Variants in MAP3K3 observed in about 807,000 individuals in gnomAD.
The protein encoded by MAP3K3 is MAP/ERK kinase kinase 3.
In MAP3K3, 12 loss-of-function variants were observed where a neutral mutation model predicts 80.9. The ratio of observed to expected loss-of-function variants is 0.15; its 90% CI spans 0.10 to 0.24. MAP3K3 has a LOEUF of 0.24. Among genes scored for constraint, MAP3K3 ranks in the 10% least tolerant of loss-of-function variants. The pLI, the probability that MAP3K3 is intolerant of heterozygous loss-of-function variation, is 1.00. For missense variants in MAP3K3, 596 were observed against 834.7 expected, an observed-to-expected ratio of 0.71 and a Z score of 3.52; for synonymous variants, 272 against 307.1, an observed-to-expected ratio of 0.89 and a Z score of 1.19.
intron 5 of MAP3K3, among the ~76,000 whole-genome samples, chr17:63,665,992 C>G (rs2034991870): frequency 6.6e-6 from 1 of 152,090 alleles, no homozygotes; most frequent in Non-Finnish European, 1.5e-5. Flanking sequence ...AAATCCTGAG[C>G]TCTCACCCCG....
chr17:63,664,221 T>C (rs1473654408), intron 5 of MAP3K3, among the ~76,000 whole-genome samples: 3 of 119,198 alleles, frequency 2.5e-5, no homozygotes, highest in Non-Finnish European at 4.8e-5. Flanking sequence ...CACTCCAGCC[T>C]GGGCGACAGA....
chr17:63,650,656 T>TAGAGAGAGAG (rs1491589542), intron 3 of MAP3K3, among the ~76,000 whole-genome samples: 10 of 122,048 alleles, frequency 8.2e-5, no homozygotes, highest in African/African-American at 3.9e-4. Context: ...CTCTGTCTCT[T>TAGAGAGAGAG]ATAGAGAGAG....
At chr17:63,651,914 G>A (rs1174958475) in intron 3 of MAP3K3, among the ~76,000 whole-genome samples, 1 of 152,168 alleles carries the variant, frequency 6.6e-6, no homozygotes, top group Non-Finnish European at 1.5e-5. Flanking sequence ...AAAGATGAAC[G>A]ATGGAAAAGA....
chr17:63,682,035 GC>G, intron 7 of MAP3K3, 136 bp downstream of exon 7: 1 of 712,842 alleles, frequency 1.4e-6, no homozygotes, highest in Non-Finnish European at 2.0e-6. Flanking sequence ...AACCAGGCCT[GC>G]CCAAATATGG....
In MAP3K3 at chr17:63,691,930, G is replaced by A; in HGVS notation, c.1474+68G>A. 6.5e-7 allele frequency: 1 copy of A among 1,538,898 alleles called. No homozygotes were observed. The highest frequency in any genetic ancestry group is 8.9e-7 in the Non-Finnish European group (1 of 1,120,306). ...CAAGTCTACCATTGAGTGCCTGCAG[G>A]GGCCAATCACTTAACCATTCTGAAC... On this transcript the variant is annotated intron_variant, in intron 14 of 15. Coordinates refer to ENST00000361733, the MANE Select transcript of MAP3K3 (RefSeq NM_002401.5). The surrounding 1 kb of genome is among the most constrained non-coding windows in gnomAD (Gnocchi z 4.8).
intron 6 of MAP3K3, among the ~76,000 whole-genome samples, chr17:63,676,413 A>G (rs1176817638): frequency 6.6e-6 from 1 of 152,214 alleles, no homozygotes; most frequent in Non-Finnish European, 1.5e-5. Flanking sequence ...CAGACACTCC[A>G]TGTAACAGAT....
intron 6 of MAP3K3, among the ~76,000 whole-genome samples, chr17:63,671,230 C>G (rs994756524): frequency 2.0e-5 from 3 of 151,470 alleles, no homozygotes; most frequent in African/African-American, 7.3e-5. Flanking sequence ...TCCCTTGGAT[C>G]CTTTGACCCT....
intron 1 of MAP3K3, among the ~76,000 whole-genome samples, chr17:63,628,683 A>G (rs2034156175): frequency 6.6e-6 from 1 of 151,654 alleles, no homozygotes; most frequent in Non-Finnish European, 1.5e-5. Context: ...TTTTCATACA[A>G]CTTTGTATTT....
chr17:63,684,771 A>G (rs2035412806), intron 7 of MAP3K3, among the ~76,000 whole-genome samples: 1 of 152,182 alleles, frequency 6.6e-6, no homozygotes, highest in Non-Finnish European at 1.5e-5. Context: ...GATTACAGGC[A>G]TGAGCCACCA....
intron 5 of MAP3K3, among the ~76,000 whole-genome samples, chr17:63,660,594 CT>C (rs1212281196): frequency 6.4e-4 from 87 of 136,030 alleles, no homozygotes; most frequent in African/African-American, 7.4e-4. Context: ...TTCTTCTTTT[CT>C]TTTTTTTTTT....
intron 5 of MAP3K3, 125 bp from the exon 6 acceptor site, chr17:63,666,815 A>G: frequency 1.0e-6 from 1 of 964,916 alleles, no homozygotes; most frequent in Non-Finnish European, 1.6e-6. Flanking sequence ...AAAGCTGGGT[A>G]GCTCATGTAT....
chr17:63,691,913 C>A lies in MAP3K3; in HGVS notation c.1474+51C>A. On this transcript the variant is annotated intron_variant, in intron 14 of 15. Coordinates refer to ENST00000361733, the MANE Select transcript of MAP3K3 (RefSeq NM_002401.5). The surrounding 1 kb of genome is among the most constrained non-coding windows in gnomAD (Gnocchi z 4.8). ...TCCCCAGGACCTGGGTTCAAGTCTA[C>A]CATTGAGTGCCTGCAGGGGCCAATC... 1 of 1,581,152 alleles carries A rather than the reference C, an allele frequency of 6.3e-7. No homozygotes were observed. The highest frequency in any genetic ancestry group is 8.7e-7 in the Non-Finnish European group (1 of 1,153,760).
Position 63,693,933 on chromosome 17 carries a change from C to G in MAP3K3, c.*156C>G. The G allele has an allele frequency of 9.8e-6, 6 of 610,010 alleles. No individual in the cohort carries two copies. The South Asian group carries it at 1.4e-4, about 14-fold the overall frequency. The allele number at this position is 610,010 out of a possible 1,614,324, so 37.8% of individuals were successfully genotyped here. A position where few individuals can be genotyped will look rare whatever the true frequency, so the allele number is the denominator to read the frequency against. On this transcript the variant is annotated 3_prime_UTR_variant, in exon 16 of 16. Transcript: ENST00000361733. The surrounding 1 kb of genome is among the most constrained non-coding windows in gnomAD (Gnocchi z 4.2). ...CTGTGCCCCTTCCGCCACTGGGGCT[C>G]AGAGCCGGGGTGGGGTGGCTGCAGC...
intron 6 of MAP3K3, among the ~76,000 whole-genome samples, chr17:63,679,052 T>C (rs922880955): frequency 1.3e-5 from 2 of 152,070 alleles, no homozygotes; most frequent in African/African-American, 4.8e-5. Context: ...AGTGTCAGTT[T>C]CTTAAAGGTC....
chr17:63,628,508 G>A (rs1019286595), intron 1 of MAP3K3, among the ~76,000 whole-genome samples: 1 of 151,550 alleles, frequency 6.6e-6, no homozygotes, highest in Non-Finnish European at 1.5e-5. Context: ...TTACAGGCAT[G>A]TGCCACCACG....
intron 5 of MAP3K3, among the ~76,000 whole-genome samples, chr17:63,661,955 T>C (rs1244891155): frequency 2.0e-5 from 3 of 151,610 alleles, no homozygotes; most frequent in Non-Finnish European, 2.9e-5. Context: ...TACAAAAAAT[T>C]AGCTGGGCGT....
intron 6 of MAP3K3, among the ~76,000 whole-genome samples, chr17:63,671,311 A>AGTG (rs1216521569): frequency 1.3e-5 from 2 of 149,308 alleles, no homozygotes; most frequent in African/African-American, 5.0e-5. Context: ...GCCGAAGTGC[A>AGTG]GTGGTGTGAT....
intron 1 of MAP3K3, among the ~76,000 whole-genome samples, chr17:63,627,576 G>A (rs2034127796): frequency 6.6e-6 from 1 of 151,794 alleles, no homozygotes; most frequent in Admixed American, 6.6e-5. Context: ...CCGAGTAGCT[G>A]GGATTACAGG....
At chr17:63,650,642 C>T (rs1439977046) in intron 3 of MAP3K3, among the ~76,000 whole-genome samples, 1 of 147,756 alleles carries the variant, frequency 6.8e-6, no homozygotes, top group Non-Finnish European at 1.5e-5. Context: ...AAGACCTTCT[C>T]TCTCTCTGTC....
Sources: allele counts gnomAD v4.1 joint callset (sites outside exome capture counted in the v4.1 genomes callset), GRCh38; gene constraint gnomAD v4.1.1; non-coding constraint Gnocchi (gnomAD v3.1); transcripts MANE v1.5; gene names NCBI Gene and HGNC (gene_info 2026-07-23, HGNC 2026-07-21).